The following KLHL26 variants were observed in gnomAD, a reference collection of about 807,000 sequenced individuals.
KLHL26 encodes kelch-like protein 26.
In KLHL26, 4 loss-of-function variants were observed where a neutral mutation model predicts 7.1. That is an observed-to-expected ratio of 0.56 (90% confidence interval 0.28 to 1.28). The LOEUF is 1.28. KLHL26 is among the 50% of genes most tolerant of loss of function. KLHL26 has a pLI of 0.11. For missense variants in KLHL26, 896 were observed against 924.6 expected (o/e 0.97, Z 0.40); for synonymous variants, 465 against 414.1 (o/e 1.12, Z -1.49).
At chr19:18,657,655 G>A (rs1388866329) in intron 1 of KLHL26, among the ~76,000 whole-genome samples, 1 of 152,154 alleles carries the variant, frequency 6.6e-6, no homozygotes, top group Non-Finnish European at 1.5e-5. Context: ...CTGCGGTGGG[G>A]CCCTGCACCC....
rs1025926121 is a variant in KLHL26 at position 18,646,719 on chromosome 19, G to A, written c.83+9582G>A. Among the ~76,000 whole-genome samples the A allele has an allele frequency of 1.3e-5, 2 of 152,354 alleles. No individual in the cohort carries two copies. Among genetic ancestry groups the A allele is most frequent in the South Asian group, 2.1e-4 (1 of 4,826 alleles). ...TGGGGACACTGCCATCCTTCTGCCC[G>A]CCATGCCCGCATGGGCCTTGAGGGG... On this transcript the variant is annotated intron_variant, in intron 1 of 2. Coordinates refer to ENST00000300976, the MANE Select transcript of KLHL26 (RefSeq NM_018316.3). This position sits in a 1 kb window ranked among gnomAD's most constrained non-coding sequence, Gnocchi z 5.0.
chr19:18,658,353 T>C (rs2052355157), intron 1 of KLHL26, among the ~76,000 whole-genome samples: 1 of 151,732 alleles, frequency 6.6e-6, no homozygotes, highest in East Asian at 1.9e-4. Flanking sequence ...CCCCCACAGC[T>C]CTGGCACTCG....
chr19:18,669,207 G>C lies in KLHL26; in HGVS notation c.1810G>C (p.Ala604Pro), dbSNP rs772795751. 1.1e-5 allele frequency: 18 copies of C among 1,611,710 alleles called. No individual in the cohort carries two copies. The highest frequency in any genetic ancestry group is 1.3e-5 in the African/African-American group (1 of 74,900). Residue 604 changes from alanine to proline, a missense_variant, in exon 3 of 3, where the codon GCC (alanine) becomes CCC (proline). Ala to Pro is a conservative substitution (Grantham distance 27). Coordinates refer to ENST00000300976, the MANE Select transcript of KLHL26 (RefSeq NM_018316.3). ...GGAGTCCTTCGCAGGCATAGCCTGC[G>C]CCCCCGTCCTGCTGCCCCGGGCCGG... ...FPESFAGIAC[A>P]PVLLPRAGTR...
chr19:18,665,894 G>A (rs373762323), intron 2 of KLHL26, among the ~76,000 whole-genome samples: 5 of 152,178 alleles, frequency 3.3e-5, no homozygotes, highest in South Asian at 4.1e-4. Context: ...CCCGAGGCCC[G>A]GGCCGCCTGC....
chr19:18,664,559 G>A (rs1165722780), intron 2 of KLHL26, 116 bp downstream of exon 2: 7 of 769,274 alleles, frequency 9.1e-6, no homozygotes, highest in Admixed American at 3.0e-5. Flanking sequence ...GGACAGCTTC[G>A]AGGGAGAACG....
At chr19:18,639,510 A>G (rs1293928319) in intron 1 of KLHL26, among the ~76,000 whole-genome samples, 1 of 146,524 alleles carries the variant, frequency 6.8e-6, no homozygotes, top group Non-Finnish European at 1.5e-5. Context: ...CCTGGGTTCA[A>G]GCAATTCTCC....
rs150325569 is a variant in KLHL26 at position 18,667,982 on chromosome 19, C to T, written c.585C>T (p.Ile195=). ...DAFTFRHFLQ[I]AEEEDFLRLP... ...TCACCTTCCGGCACTTCCTGCAGAT[C>T]GCCGAGGAGGAGGATTTCCTGCGCC... is the stretch of plus-strand genomic sequence containing the variant. The change falls in exon 3 of 3, where the codon ATC becomes ATT. Residue 195 remains isoleucine (I), a synonymous_variant. Transcript: ENST00000300976. 28 of 1,608,228 alleles carry T rather than the reference C, an allele frequency of 1.7e-5. 1 individual carries two copies. The South Asian group carries it at 2.3e-4, about 13-fold the overall frequency.
At position 18,669,095 on chromosome 19, in the gene KLHL26, C is replaced by T. The variant is rs1397755884; in HGVS notation, c.1698C>T (p.Gly566=). Residue 566 remains glycine (G), a synonymous_variant, in exon 3 of 3, where the codon GGC becomes GGT. Transcript: ENST00000300976. ...AGAGGAAGATCTACATCGTCGGGGGCTACAACTGGCGTCTCAACAACGTCA... is the reference window on the plus strand; with the variant it reads ...AGAGGAAGATCTACATCGTCGGGGGTTACAACTGGCGTCTCAACAACGTCA... The part of the protein sequence containing the change: ...LLERKIYIVG[G]YNWRLNNVTG... The T allele has an allele frequency of 6.2e-7, 1 of 1,612,788 alleles. No individual in the cohort carries two copies. The highest frequency in any genetic ancestry group is 2.2e-5 in the East Asian group (1 of 44,890).
intron 1 of KLHL26, among the ~76,000 whole-genome samples, chr19:18,639,696 C>G (rs1438296114): frequency 6.6e-6 from 1 of 151,996 alleles, no homozygotes; most frequent in Admixed American, 6.6e-5. Context: ...AGGTGTGAAC[C>G]ACTGTGCTCA....
At chr19:18,664,113 G>A (rs1008580812) in intron 1 of KLHL26, 148 bp from the exon 2 acceptor site, 8 of 598,784 alleles carry the variant, frequency 1.3e-5, no homozygotes, top group Admixed American at 3.1e-5. Context: ...CTGTCTCTGC[G>A]GATTTGCCTG....
At chr19:18,661,932 T>G (rs1486283088) in intron 1 of KLHL26, among the ~76,000 whole-genome samples, 1 of 152,092 alleles carries the variant, frequency 6.6e-6, no homozygotes, top group African/African-American at 2.4e-5. Flanking sequence ...CAGGCTGGAG[T>G]GCAGTGGCAC....
intron 1 of KLHL26, among the ~76,000 whole-genome samples, chr19:18,643,409 C>T (rs1179775749): frequency 2.0e-5 from 3 of 150,376 alleles, no homozygotes. Flanking sequence ...CGCTCCACTG[C>T]GCTCCCACCT....
At position 18,656,027 on chromosome 19, in the gene KLHL26, C is replaced by T. The variant is rs1410263416; in HGVS notation, c.84-8234C>T. 1.3e-5 allele frequency among the ~76,000 whole-genome samples: 2 copies of T among 152,284 alleles called. No individual in the cohort carries two copies. The highest frequency in any genetic ancestry group is 2.9e-5 in the Non-Finnish European group (2 of 68,022). ...TCCATCATCCACCCACCCATGCCTC[C>T]AGCCTCCTTCCTCATCTAGAACACC... is the stretch of plus-strand genomic sequence containing the variant. On this transcript the variant is annotated intron_variant, in intron 1 of 2. Coordinates refer to ENST00000300976, the MANE Select transcript of KLHL26 (RefSeq NM_018316.3). The surrounding 1 kb of genome is among the most constrained non-coding windows in gnomAD (Gnocchi z 4.4).
chr19:18,651,574 G>C (rs79232033), intron 1 of KLHL26, among the ~76,000 whole-genome samples: 240 of 152,342 alleles, frequency 1.6e-3, no homozygotes, highest in African/African-American at 5.4e-3. Context: ...GCTGAAATTT[G>C]TGTTGTCTTT....
rs1231524862 is a variant in KLHL26, at chr19:18,669,859, G to A, written c.*614G>A. 1 of 153,220 alleles carries A rather than the reference G, an allele frequency of 6.5e-6. No homozygotes were observed. The highest frequency in any genetic ancestry group is 1.5e-5 in the Non-Finnish European group (1 of 68,908). 9.5% of individuals were successfully genotyped at this position (153,220 alleles called of 1,614,324 possible). On this transcript the variant is annotated 3_prime_UTR_variant, in exon 3 of 3. Transcript: ENST00000300976. ...CTTCCCCCATCCCAAGCTGCTGAGG[G>A]GAGGCCCTGGTCATGCCTCAGTTCC...
Position 18,668,501 on chromosome 19 carries a change from G to A in KLHL26, c.1104G>A (p.Gly368=), listed in dbSNP as rs377284906. Residue 368 remains glycine (G), a synonymous_variant, in exon 3 of 3, where the codon GGG becomes GGA. Transcript: ENST00000300976. Reference sequence around the variant, plus strand: ...ACAATTTTGTGTACGTGGCCGGGGGGCAGCACCTGCAGTACCGCAGCGGCG... The same window carrying A: ...ACAATTTTGTGTACGTGGCCGGGGGACAGCACCTGCAGTACCGCAGCGGCG... ...VLDNFVYVAG[G]QHLQYRSGEG... 27 of 1,604,968 alleles carry A rather than the reference G, an allele frequency of 1.7e-5. No homozygotes were observed. The highest frequency in any genetic ancestry group is 2.0e-5 in the Non-Finnish European group (24 of 1,177,566).
intron 1 of KLHL26, among the ~76,000 whole-genome samples, chr19:18,645,041 A>G (rs1455690437): frequency 1.3e-5 from 2 of 152,230 alleles, no homozygotes; most frequent in African/African-American, 4.8e-5. Context: ...TCGAGGGATC[A>G]ACAAAAAACC....
At position 18,661,089 on chromosome 19, in the gene KLHL26, G is replaced by A. The variant is rs569860147; in HGVS notation, c.84-3172G>A. On this transcript the variant is annotated intron_variant, in intron 1 of 2. Coordinates refer to ENST00000300976, the MANE Select transcript of KLHL26 (RefSeq NM_018316.3). ...GCGTTTGCTCATCTCATCCTCCAGCGGCCCTGGGGCTGGGGAGCTGGATGG... is the reference window on the plus strand; with the variant it reads ...GCGTTTGCTCATCTCATCCTCCAGCAGCCCTGGGGCTGGGGAGCTGGATGG... Among the ~76,000 whole-genome samples the A allele has an allele frequency of 1.9e-3, 295 of 152,280 alleles. 2 individuals are homozygous for A. The highest frequency in any genetic ancestry group is 6.7e-3 in the African/African-American group (279 of 41,544).
Position 18,646,849 on chromosome 19 carries a change from G to A in KLHL26, c.83+9712G>A, listed in dbSNP as rs565106932. Among the ~76,000 whole-genome samples the A allele has an allele frequency of 2.6e-5, 4 of 152,344 alleles. No individual in the cohort carries two copies. The highest frequency in any genetic ancestry group is 4.8e-5 in the African/African-American group (2 of 41,590). Reference sequence around the variant, plus strand: ...AGACAGTAGTGCCATGACTTGGGCCGTAAGAGGGACAGCAGCAGGGGCAGC... The same window carrying A: ...AGACAGTAGTGCCATGACTTGGGCCATAAGAGGGACAGCAGCAGGGGCAGC... On this transcript the variant is annotated intron_variant, in intron 1 of 2. Coordinates refer to ENST00000300976, the MANE Select transcript of KLHL26 (RefSeq NM_018316.3). This position sits in a 1 kb window ranked among gnomAD's most constrained non-coding sequence, Gnocchi z 5.0.
Sources: gnomAD v4.1 joint callset for allele counts (sites outside exome capture counted in the v4.1 genomes callset) on GRCh38, gnomAD v4.1.1 for gene constraint, Gnocchi (gnomAD v3.1) non-coding constraint, MANE v1.5 for transcripts, NCBI Gene and HGNC (gene_info 2026-07-23, HGNC 2026-07-21) for gene names.